The following TIGD2 variants were observed in gnomAD, a reference collection of about 807,000 sequenced individuals.
TIGD2 encodes tigger transposable element derived 2, also known as tigger transposable element-derived protein 2.
In TIGD2, 14 loss-of-function variants were observed where a neutral mutation model predicts 27.0. The ratio of observed to expected loss-of-function variants is 0.52; its 90% CI spans 0.34 to 0.81. The LOEUF (loss-of-function observed/expected upper bound fraction) is 0.81, where lower values mean the gene tolerates loss of function less well. Ranked by LOEUF, TIGD2 falls within the 30% of genes least tolerant of loss-of-function variation. The probability of loss-of-function intolerance (pLI) is 0.01; values close to 1 mark genes in which losing one functional copy is unlikely to be tolerated. For missense variants in TIGD2, 590 were observed against 617.3 expected (o/e 0.96, Z 0.47); for synonymous variants, 201 against 209.0 (o/e 0.96, Z 0.33).
rs780234482 is a variant in TIGD2 at position 89,114,016 on chromosome 4, G to T, written c.1042G>T (p.Asp348Tyr). 1.5e-5 allele frequency: 24 copies of T among 1,613,940 alleles called. No homozygotes were observed. Among genetic ancestry groups the T allele is most frequent in the Non-Finnish European group, 1.9e-5 (22 of 1,180,016 alleles). The change falls in exon 2 of 2, where the codon GAT (aspartate) becomes TAT (tyrosine). Residue 348 changes from aspartate to tyrosine, a missense_variant. Physicochemically the swap from Asp to Tyr is radical, Grantham distance 160 (BLOSUM62 -3). Transcript: ENST00000603357. The part of the protein sequence containing the change: ...YRAGLLQKYM[D>Y]EGNDPKIFWK... The stretch of plus-strand genomic sequence containing the variant: ...AGCAGGACTTCTCCAGAAATACATG[G>T]ATGAAGGAAATGACCCAAAAATATT...
rs1264716978 is a variant in TIGD2 at position 89,114,059 on chromosome 4, T to C, written c.1085T>C (p.Val362Ala). 1.7e-5 allele frequency: 27 copies of C among 1,614,070 alleles called. No homozygotes were observed. The highest frequency in any genetic ancestry group is 2.3e-5 in the Non-Finnish European group (27 of 1,180,030). The change falls in exon 2 of 2, where the codon GTG becomes GCG. Residue 362 changes from valine (V) to alanine (A), a missense_variant. Around this residue, in one of 3 missense-constraint regions of TIGD2, gnomAD observed 451 missense variants for 448.0 expected, o/e 1.01. Coordinates refer to ENST00000603357, the MANE Select transcript of TIGD2 (RefSeq NM_145715.3). ...DPKIFWKNLT[V>A]LDAIYEVSRA... Reference sequence around the variant, plus strand: ...AAAATATTTTGGAAGAACTTGACAGTGTTGGATGCAATTTATGAAGTGTCA... The same window carrying C: ...AAAATATTTTGGAAGAACTTGACAGCGTTGGATGCAATTTATGAAGTGTCA...
Position 89,112,762 on chromosome 4 carries a change from T to G in TIGD2, c.-213T>G. 2.1e-6 allele frequency: 1 copy of G among 485,916 alleles called. No individual in the cohort carries two copies. Among genetic ancestry groups the G allele is most frequent in the East Asian group, 3.3e-5 (1 of 29,958 alleles). The allele number at this position is 485,916 out of a possible 1,614,324, so 30.1% of individuals were successfully genotyped here. ...GAGGAAGAAAGATAGAAGATAAGAG[T>G]TAATTGGCGCTAGGCTTTGTTGTAG... On this transcript the variant is annotated 5_prime_UTR_variant, in exon 2 of 2. Transcript: ENST00000603357.
Position 89,113,212 on chromosome 4 carries a change from G to C in TIGD2, c.238G>C (p.Asp80His). The C allele has an allele frequency of 6.2e-7, 1 of 1,614,110 alleles. No individual in the cohort carries two copies. Among genetic ancestry groups the C allele is most frequent in the Non-Finnish European group, 8.5e-7 (1 of 1,180,034 alleles). Residue 80 changes from aspartate to histidine, a missense_variant, in exon 2 of 2, where the codon GAT (aspartate) becomes CAT (histidine). Asp to His is a moderately conservative substitution (Grantham distance 81, BLOSUM62 -1). This residue lies in a region of TIGD2 where 47 missense variants were observed against 79.7 expected (regional missense o/e 0.59). Transcript: ENST00000603357. The stretch of plus-strand genomic sequence containing the variant: ...GAAGTCATCAACATACGAGGAGCTT[G>C]ATAGAGTTATGATAGAGTGGTTTAA... ...SMKSSTYEEL[D>H]RVMIEWFNQQ...
In TIGD2 at chr4:89,113,990, G is replaced by A. The variant is rs1721163831; in HGVS notation, c.1016G>A (p.Arg339Gln). ...CTAGCCACTGTAAAAAGATACTATC[G>A]AGCAGGACTTCTCCAGAAATACATG... Reference protein sequence around the residue: ...GVLATVKRYYRAGLLQKYMDE... With the variant: ...GVLATVKRYYQAGLLQKYMDE... The change falls in exon 2 of 2, where the codon CGA becomes CAA. Residue 339 changes from arginine to glutamine, a missense_variant. Physicochemically the swap from Arg to Gln is conservative, Grantham distance 43. Transcript: ENST00000603357. 6.2e-7 allele frequency: 1 copy of A among 1,613,978 alleles called. No homozygotes were observed. Among genetic ancestry groups the A allele is most frequent in the Non-Finnish European group, 8.5e-7 (1 of 1,180,002 alleles).
In TIGD2 at chr4:89,112,559, C is replaced by T. The variant is rs1026808395; in HGVS notation, c.-416C>T. 6.4e-6 allele frequency: 1 copy of T among 156,462 alleles called. No homozygotes were observed. The highest frequency in any genetic ancestry group is 1.4e-5 in the Non-Finnish European group (1 of 71,178). 9.7% of individuals were successfully genotyped at this position (156,462 alleles called of 1,614,324 possible). A position where few individuals can be genotyped will look rare whatever the true frequency, so the allele number is the denominator to read the frequency against. ...GTCCTCTCTTGACTTAAACTGTTTA[C>T]TCCCTAGCACATTTCCTAAAATACT... On this transcript the variant is annotated 5_prime_UTR_variant, in exon 2 of 2. Transcript: ENST00000603357.
In TIGD2 at chr4:89,112,325, G is replaced by C. The variant is rs922067193; in HGVS notation, c.-650G>C. On this transcript the variant is annotated 5_prime_UTR_variant, in exon 2 of 2. Transcript: ENST00000603357. ...AGTCGCTTTTAAAGTAGAGTTTTCTGCCTGTTCCACTTTCACCTTATTTGC... is the reference window on the plus strand; with the variant it reads ...AGTCGCTTTTAAAGTAGAGTTTTCTCCCTGTTCCACTTTCACCTTATTTGC... 3.3e-5 allele frequency: 5 copies of C among 152,146 alleles called. No individual in the cohort carries two copies. Among genetic ancestry groups the C allele is most frequent in the Non-Finnish European group, 7.3e-5 (5 of 68,056 alleles). The allele number at this position is 152,146 out of a possible 1,614,324, so 9.4% of individuals were successfully genotyped here. A position where few individuals can be genotyped will look rare whatever the true frequency, so the allele number is the denominator to read the frequency against.
Position 89,113,740 on chromosome 4 carries a change from T to C in TIGD2, c.766T>C (p.Trp256Arg). The C allele has an allele frequency of 3.7e-6, 6 of 1,614,178 alleles. No individual in the cohort carries two copies. Among genetic ancestry groups the C allele is most frequent in the Non-Finnish European group, 5.1e-6 (6 of 1,180,034 alleles). ...PVTYYSQKGA[W>R]IEQSVFRQWF... ...GACATATTACAGTCAAAAAGGTGCATGGATAGAACAGTCTGTTTTCAGACA... is the reference window on the plus strand; with the variant it reads ...GACATATTACAGTCAAAAAGGTGCACGGATAGAACAGTCTGTTTTCAGACA... Residue 256 changes from tryptophan (W) to arginine (R), a missense_variant, in exon 2 of 2, where the codon TGG becomes CGG. Physicochemically the swap from Trp to Arg is moderately radical, Grantham distance 101. Coordinates refer to ENST00000603357, the MANE Select transcript of TIGD2 (RefSeq NM_145715.3).
Position 89,113,177 on chromosome 4 carries a change from G to A in TIGD2, c.203G>A (p.Arg68His). The A allele has an allele frequency of 6.2e-7, 1 of 1,614,032 alleles. No individual in the cohort carries two copies. The highest frequency in any genetic ancestry group is 8.5e-7 in the Non-Finnish European group (1 of 1,180,014). Residue 68 changes from arginine to histidine, a missense_variant, in exon 2 of 2, where the codon CGT (arginine) becomes CAT (histidine). By Grantham distance (29) the Arg-to-His change is conservative. This residue lies in a region of TIGD2 where 92 missense variants were observed against 89.6 expected (regional missense o/e 1.03). Coordinates refer to ENST00000603357, the MANE Select transcript of TIGD2 (RefSeq NM_145715.3). ...GATCCTACCAGTGGAGTATCCAAAC[G>A]TAAATCTATGAAGTCATCAACATAC... Reference protein sequence around the residue: ...SSDPTSGVSKRKSMKSSTYEE... With the variant: ...SSDPTSGVSKHKSMKSSTYEE...
At position 89,112,940 on chromosome 4, in the gene TIGD2, G is replaced by T; in HGVS notation, c.-35G>T. The T allele has an allele frequency of 6.7e-7, 1 of 1,490,216 alleles. No individual in the cohort carries two copies. The highest frequency in any genetic ancestry group is 9.0e-7 in the Non-Finnish European group (1 of 1,108,676). 92.3% of individuals were successfully genotyped at this position (1,490,216 alleles called of 1,614,324 possible). The stretch of plus-strand genomic sequence containing the variant: ...TCAAATCTTAGTTGTTAATTATCTT[G>T]TTCTAGTAATCACCTAAAATATTAG... On this transcript the variant is annotated 5_prime_UTR_variant, in exon 2 of 2. Transcript: ENST00000603357.
In TIGD2 at chr4:89,113,377, A is replaced by G. The variant is rs751928937; in HGVS notation, c.403A>G (p.Ile135Val). Reference protein sequence around the residue: ...WLTRFKQRHGIPKAAGKGTKL... With the variant: ...WLTRFKQRHGVPKAAGKGTKL... ...AACTCGATTTAAGCAGCGCCATGGT[A>G]TTCCAAAGGCTGCTGGTAAAGGAAC... Residue 135 changes from isoleucine to valine, a missense_variant, in exon 2 of 2, where the codon ATT becomes GTT. Coordinates refer to ENST00000603357, the MANE Select transcript of TIGD2 (RefSeq NM_145715.3). 2 of 1,614,062 alleles carry G rather than the reference A, an allele frequency of 1.2e-6. No individual in the cohort carries two copies. Among genetic ancestry groups the G allele is most frequent in the African/African-American group, 1.3e-5 (1 of 74,914 alleles).
Position 89,113,305 on chromosome 4 carries a change from G to A in TIGD2, c.331G>A (p.Asp111Asn), listed in dbSNP as rs1303305701. The A allele has an allele frequency of 1.1e-5, 17 of 1,613,978 alleles. No homozygotes were observed. Among genetic ancestry groups the A allele is most frequent in the Non-Finnish European group, 1.4e-5 (17 of 1,180,022 alleles). Residue 111 changes from aspartate to asparagine, a missense_variant, in exon 2 of 2, where the codon GAT (aspartate) becomes AAT (asparagine). Physicochemically the swap from Asp to Asn is conservative, Grantham distance 23. Around this residue, in one of 3 missense-constraint regions of TIGD2, gnomAD observed 47 missense variants for 79.7 expected, o/e 0.59. Coordinates refer to ENST00000603357, the MANE Select transcript of TIGD2 (RefSeq NM_145715.3). ...TGCAAAACAAGCCAAGTTCTTTTTTGATGCTTTGGGAATGGAAGGTGATTT... is the reference window on the plus strand; with the variant it reads ...TGCAAAACAAGCCAAGTTCTTTTTTAATGCTTTGGGAATGGAAGGTGATTT... ...ICAKQAKFFFDALGMEGDFNA... is the reference protein window; with the variant it reads ...ICAKQAKFFFNALGMEGDFNA...
Position 89,112,812 on chromosome 4 carries a change from A to AAGT in TIGD2, c.-160_-158dup, listed in dbSNP as rs1721125949. Reference sequence around the variant, plus strand: ...GGAAGTTTGTAAGTTTTAAAATAGCAAGTAGATTCACGTAGACCTTGTCAG... The same window carrying AAGT: ...GGAAGTTTGTAAGTTTTAAAATAGCAAGTAGTAGATTCACGTAGACCTTGTCAG... On this transcript the variant is annotated 5_prime_UTR_variant, in exon 2 of 2. Transcript: ENST00000603357. 1 of 580,062 alleles carries AAGT rather than the reference A, an allele frequency of 1.7e-6. No individual in the cohort carries two copies. The highest frequency in any genetic ancestry group is 2.9e-6 in the Non-Finnish European group (1 of 339,670). The allele number at this position is 580,062 out of a possible 1,614,324, so 35.9% of individuals were successfully genotyped here.
chr4:89,114,569 T>A lies in TIGD2; in HGVS notation c.*17T>A, dbSNP rs754907750. ...AATCATTAATAAGGCTCTTAAGTAT[T>A]TCAGTGTATCTGCATCTTTGTGACT... On this transcript the variant is annotated 3_prime_UTR_variant, in exon 2 of 2. Transcript: ENST00000603357. 6.4e-7 allele frequency: 1 copy of A among 1,558,868 alleles called. No homozygotes were observed. Among genetic ancestry groups the A allele is most frequent in the Admixed American group, 1.9e-5 (1 of 53,122 alleles).
In TIGD2 at chr4:89,114,725, T is replaced by C. The variant is rs1243145468; in HGVS notation, c.*173T>C. On this transcript the variant is annotated 3_prime_UTR_variant, in exon 2 of 2. Transcript: ENST00000603357. ...AACTCTTTAATGTTGACTCTAGTCATTGGGCATTGACGTGTAACTTGTCTT... is the reference window on the plus strand; with the variant it reads ...AACTCTTTAATGTTGACTCTAGTCACTGGGCATTGACGTGTAACTTGTCTT... The C allele has an allele frequency of 6.2e-6, 4 of 642,864 alleles. No individual in the cohort carries two copies. The highest frequency in any genetic ancestry group is 1.1e-5 in the Non-Finnish European group (4 of 380,190). The allele number at this position is 642,864 out of a possible 1,614,324, so 39.8% of individuals were successfully genotyped here. A position where few individuals can be genotyped will look rare whatever the true frequency, so the allele number is the denominator to read the frequency against.
chr4:89,114,165 T>C lies in TIGD2; in HGVS notation c.1191T>C (p.Gly397=), dbSNP rs758710440. ...KLFPGNEENS[G]MNIDEGAILA... ...TCCCTGGCAATGAAGAGAATTCAGG[T>C]ATGAACATTGATGAAGGAGCCATTT... is the stretch of plus-strand genomic sequence containing the variant. Residue 397 remains glycine, a synonymous_variant, in exon 2 of 2, where the codon GGT becomes GGC. Coordinates refer to ENST00000603357, the MANE Select transcript of TIGD2 (RefSeq NM_145715.3). 6.2e-7 allele frequency: 1 copy of C among 1,614,138 alleles called. No homozygotes were observed. Among genetic ancestry groups the C allele is most frequent in the Non-Finnish European group, 8.5e-7 (1 of 1,180,008 alleles).
upstream of TIGD2, chr4:89,111,298 A>C (rs1460910815): frequency 3.4e-6 from 3 of 871,314 alleles, no homozygotes; most frequent in Non-Finnish European, 4.1e-6. Context: ...CACTGGGAAA[A>C]GCGCCAGGAC....
In TIGD2 at chr4:89,114,139, T is replaced by G. The variant is rs199746319; in HGVS notation, c.1165T>G (p.Phe389Val). ...CATAACCAAAGCATGGAAAAAACTT[T>G]TCCCTGGCAATGAAGAGAATTCAGG... is the stretch of plus-strand genomic sequence containing the variant. ...STITKAWKKL[F>V]PGNEENSGMN... Residue 389 changes from phenylalanine (F) to valine (V), a missense_variant, in exon 2 of 2, where the codon TTC becomes GTC. Physicochemically the swap from Phe to Val is conservative, Grantham distance 50. Around this residue, in one of 3 missense-constraint regions of TIGD2, gnomAD observed 451 missense variants for 448.0 expected, o/e 1.01. Transcript: ENST00000603357. The G allele has an allele frequency of 2.5e-6, 4 of 1,614,138 alleles. No individual in the cohort carries two copies. The East Asian group carries it at 8.9e-5, about 36-fold the overall frequency.
rs1721165171 is a variant in TIGD2 at position 89,114,063 on chromosome 4, G to A, written c.1089G>A (p.Leu363=). The change falls in exon 2 of 2, where the codon TTG becomes TTA. Residue 363 remains leucine (L), a synonymous_variant. Transcript: ENST00000603357. ...TATTTTGGAAGAACTTGACAGTGTT[G>A]GATGCAATTTATGAAGTGTCAAGAG... ...PKIFWKNLTV[L]DAIYEVSRAW... is the part of the protein sequence containing the mutation. The A allele has an allele frequency of 1.2e-6, 2 of 1,613,952 alleles. No individual in the cohort carries two copies. The highest frequency in any genetic ancestry group is 8.5e-7 in the Non-Finnish European group (1 of 1,180,032).
Position 89,113,848 on chromosome 4 carries a change from G to T in TIGD2, c.874G>T (p.Asp292Tyr). 6.2e-7 allele frequency: 1 copy of T among 1,614,184 alleles called. No homozygotes were observed. Among genetic ancestry groups the T allele is most frequent in the South Asian group, 1.1e-5 (1 of 91,086 alleles). The change falls in exon 2 of 2, where the codon GAT (aspartate) becomes TAT (tyrosine). Residue 292 changes from aspartate (D) to tyrosine (Y), a missense_variant. Transcript: ENST00000603357. The stretch of plus-strand genomic sequence containing the variant: ...TTTAGAAAAAGCAGTGCTTCTTTTA[G>T]ATTTCCCCCCAGCACGTCCAAATGA... Reference protein sequence around the residue: ...GLLEKAVLLLDFPPARPNEEM... With the variant: ...GLLEKAVLLLYFPPARPNEEM...
Sources: allele counts gnomAD v4.1 joint callset, GRCh38; gene constraint gnomAD v4.1.1; regional missense constraint gnomAD v4.1.1; transcripts MANE v1.5; gene names NCBI Gene and HGNC (gene_info 2026-07-23, HGNC 2026-07-21).